Variants in TIMP2 observed in about 807,000 individuals in gnomAD.
TIMP2 encodes metalloproteinase inhibitor 2.
A neutral mutation model predicts 24.3 loss-of-function variants in TIMP2; 5 were observed. That is an observed-to-expected ratio of 0.21 (90% CI 0.11 to 0.43). The LOEUF (loss-of-function observed/expected upper bound fraction) is 0.43, where lower values mean the gene tolerates loss of function less well. TIMP2 is among the 20% of genes least tolerant of loss of function. The probability of loss-of-function intolerance (pLI) is 1.00; values close to 1 mark genes in which losing one functional copy is unlikely to be tolerated. For synonymous variants in TIMP2, 130 were observed against 123.2 expected, an observed-to-expected ratio of 1.06 and a Z score of -0.37; for missense variants, 221 against 297.5, an observed-to-expected ratio of 0.74 and a Z score of 1.89.
intron 1 of TIMP2, among the ~76,000 whole-genome samples, chr17:78,918,303 G>C (rs997930464): frequency 1.3e-5 from 2 of 152,186 alleles, no homozygotes; most frequent in African/African-American, 4.8e-5. Context: ...TGGCTGACTG[G>C]GGAGTAGCTC....
chr17:78,866,845 G>A (rs2069621334), intron 3 of TIMP2, among the ~76,000 whole-genome samples: 1 of 152,154 alleles, frequency 6.6e-6, no homozygotes, highest in East Asian at 1.9e-4. Context: ...GAGACGGGAA[G>A]TATACCAGTG....
chr17:78,904,089 T>TTGTGTGTGTGTGTGTGTGTG (rs1555651932), intron 1 of TIMP2: 6 of 43,932 alleles, frequency 1.4e-4, no homozygotes, highest in African/African-American at 9.1e-4. Context: ...CCCAGCTAAT[T>TTGTGTGTGTGTGTGTGTGTG]TATGTGTGTG....
At chr17:78,913,362 A>G (rs1056888807) in intron 1 of TIMP2, among the ~76,000 whole-genome samples, 5 of 152,218 alleles carry the variant, frequency 3.3e-5, no homozygotes, top group Non-Finnish European at 5.9e-5. Context: ...AAACCGCTGA[A>G]CTGTGCACTT....
chr17:78,879,453 G>A (rs2069759073), intron 1 of TIMP2, among the ~76,000 whole-genome samples: 1 of 152,188 alleles, frequency 6.6e-6, no homozygotes, highest in South Asian at 2.1e-4. Flanking sequence ...GAAAATTGTG[G>A]CACAGACACG....
chr17:78,857,254 C>T (rs1298766239), intron 4 of TIMP2: 7 of 410,988 alleles, frequency 1.7e-5, no homozygotes, highest in Non-Finnish European at 3.1e-5. Flanking sequence ...TCCCAAAGTG[C>T]CGGGATTACA....
intron 3 of TIMP2, among the ~76,000 whole-genome samples, chr17:78,869,355 C>T (rs532471433): frequency 1.3e-5 from 2 of 149,186 alleles, no homozygotes; most frequent in East Asian, 2.0e-4. Context: ...CCCAGGAGAT[C>T]GAGGTTGCAG....
chr17:78,865,163 C>T lies in TIMP2; in HGVS notation c.340+5735G>A, dbSNP rs150592489. On this transcript the variant is annotated intron_variant, in intron 3 of 4. Transcript: ENST00000262768. ...GGAAGGAGGTATGACTCTACCTGTA[C>T]GAGGTGTCTAGAATGGGCAAATTCA... Among the ~76,000 whole-genome samples, 165 of 152,228 alleles carry T rather than the reference C, an allele frequency of 1.1e-3. No individual in the cohort carries two copies. In the Middle Eastern group the frequency reaches 0.024, roughly 22 times the overall value.
intron 1 of TIMP2, among the ~76,000 whole-genome samples, chr17:78,915,215 G>T (rs552434697): frequency 1.3e-5 from 2 of 152,096 alleles, no homozygotes; most frequent in Non-Finnish European, 2.9e-5. Context: ...GCTTTTGAAA[G>T]TACTGTGCTC....
At chr17:78,890,015 A>T (rs562188472) in intron 1 of TIMP2, among the ~76,000 whole-genome samples, 55 of 152,226 alleles carry the variant, frequency 3.6e-4, no homozygotes, top group Middle Eastern at 3.4e-3. Flanking sequence ...GCTACTCGGG[A>T]GGCTGAGGCA....
intron 1 of TIMP2, chr17:78,892,093 C>A (rs760435836): frequency 2.6e-4 from 401 of 1,551,794 alleles, no homozygotes; most frequent in Non-Finnish European, 3.0e-4. Flanking sequence ...CCCAGCCCAA[C>A]AGACGTGCTG....
At chr17:78,882,654 C>A (rs115367140) in intron 1 of TIMP2, among the ~76,000 whole-genome samples, 1,708 of 152,338 alleles carry the variant, frequency 0.011, 40 homozygotes, top group African/African-American at 0.039. Flanking sequence ...GCAGAAGTGG[C>A]CACAAACGCC....
chr17:78,909,451 C>A (rs983145987), intron 1 of TIMP2, among the ~76,000 whole-genome samples: 11 of 151,678 alleles, frequency 7.3e-5, no homozygotes, highest in Middle Eastern at 3.4e-3. Flanking sequence ...ATAATCCCCC[C>A]GGACCTGAAG....
intron 3 of TIMP2, among the ~76,000 whole-genome samples, chr17:78,858,875 G>A (rs2069546298): frequency 1.3e-5 from 2 of 152,136 alleles, no homozygotes; most frequent in African/African-American, 2.4e-5. Flanking sequence ...TAGAGACGAT[G>A]TTTCACCATG....
chr17:78,867,032 G>A lies in TIMP2; in HGVS notation c.340+3866C>T, dbSNP rs187704686. On this transcript the variant is annotated intron_variant, in intron 3 of 4. Coordinates refer to ENST00000262768, the MANE Select transcript of TIMP2 (RefSeq NM_003255.5). ...TCCCAGCACTTTGGAAGGCCTAGGC[G>A]GGCAGATCACCTGAAGTCAGGAGTT... Among the ~76,000 whole-genome samples the A allele has an allele frequency of 1.7e-3, 261 of 152,294 alleles. 4 individuals are homozygous for A. The highest frequency in any genetic ancestry group is 8.3e-4 in the South Asian group (4 of 4,826).
intron 3 of TIMP2, among the ~76,000 whole-genome samples, chr17:78,859,884 C>G (rs1038865661): frequency 6.6e-6 from 1 of 151,860 alleles, no homozygotes. Context: ...CCCAGCTACT[C>G]GGGAGGCTGA....
intron 1 of TIMP2, among the ~76,000 whole-genome samples, chr17:78,911,232 A>G (rs1372331224): frequency 6.6e-6 from 1 of 152,046 alleles, no homozygotes; most frequent in Non-Finnish European, 1.5e-5. Context: ...GGAGAAACAG[A>G]ATATTGCGAG....
chr17:78,895,816 G>C (rs1185263249), intron 1 of TIMP2, among the ~76,000 whole-genome samples: 12 of 152,182 alleles, frequency 7.9e-5, no homozygotes, highest in Admixed American at 5.9e-4. Context: ...GTGTGTCTCG[G>C]AAGGTGCCTG....
intron 1 of TIMP2, among the ~76,000 whole-genome samples, chr17:78,917,769 C>G (rs545630860): frequency 1.1e-4 from 17 of 152,264 alleles, no homozygotes; most frequent in African/African-American, 4.1e-4. Flanking sequence ...CATCCTTTCC[C>G]CAGAGCTGGT....
In TIMP2 at chr17:78,891,824, G is replaced by A; in HGVS notation, c.131-17905C>T. The A allele has an allele frequency of 6.4e-7, 1 of 1,550,874 alleles. No homozygotes were observed. Among genetic ancestry groups the A allele is most frequent in the Admixed American group, 2.0e-5 (1 of 51,010 alleles). ...ACCCCCAGACTTGGTCGAAGGTTCT[G>A]GCCTTCCCTTTCTCTTCTCAGGCGG... On this transcript the variant is annotated intron_variant, in intron 1 of 4. Transcript: ENST00000262768. This position sits in a 1 kb window ranked among gnomAD's most constrained non-coding sequence, Gnocchi z 4.5.
Sources: gnomAD v4.1 joint callset for allele counts (sites outside exome capture counted in the v4.1 genomes callset) on GRCh38, gnomAD v4.1.1 for gene constraint, Gnocchi (gnomAD v3.1) non-coding constraint, MANE v1.5 for transcripts, NCBI Gene and HGNC (gene_info 2026-07-23, HGNC 2026-07-21) for gene names.